The following PAX7 variants were observed in gnomAD, a reference collection of about 807,000 sequenced individuals.
PAX7 encodes paired box protein Pax-7.
Under a neutral mutation model 50.7 loss-of-function variants are expected in PAX7, and 18 were observed. The observed-to-expected ratio is 0.36, with a 90% CI of 0.25 to 0.53. The LOEUF is 0.53. Ranked by LOEUF, PAX7 falls within the 20% of genes least tolerant of loss-of-function variation. PAX7 has a pLI of 0.93. For synonymous variants in PAX7, 310 were observed against 290.4 expected (o/e 1.07, Z -0.69); for missense variants, 644 against 702.9 (o/e 0.92, Z 0.95).
At chr1:18,633,207 C>A (rs1246348152) in intron 1 of PAX7, among the ~76,000 whole-genome samples, 1 of 152,160 alleles carries the variant, frequency 6.6e-6, no homozygotes, top group Non-Finnish European at 1.5e-5. Flanking sequence ...AGCGGAGCCT[C>A]TTCTCGCCTC....
At position 18,744,831 on chromosome 1, in the gene PAX7, G is replaced by A; in HGVS notation, c.1420G>A (p.Ala474Thr). The change falls in exon 9 of 9, where the codon GCC becomes ACC. Residue 474 changes from alanine (A) to threonine (T), a missense_variant. By Grantham distance (58) the Ala-to-Thr change is moderately conservative. Transcript: ENST00000420770. ...QYGQTAVDYL[A>T]KNVSLSTQRR... ...TTTTCCAGCTGCTGTTGATTATCTG[G>A]CCAAAAATGTGAGCCTCTCCACCCA... is the stretch of plus-strand genomic sequence containing the variant. 1.3e-6 allele frequency: 2 copies of A among 1,554,074 alleles called. No individual in the cohort carries two copies. Among genetic ancestry groups the A allele is most frequent in the Non-Finnish European group, 1.7e-6 (2 of 1,148,134 alleles).
chr1:18,739,825 G>A (rs1209790268), intron 8 of PAX7, among the ~76,000 whole-genome samples: 1 of 152,222 alleles, frequency 6.6e-6, no homozygotes, highest in Non-Finnish European at 1.5e-5. Flanking sequence ...GTGGGGGCAG[G>A]GGCCCAGGGA....
chr1:18,727,371 TACACA>T (rs1236136450), intron 7 of PAX7, among the ~76,000 whole-genome samples: 2,493 of 133,938 alleles, frequency 0.019, 24 homozygotes, highest in Middle Eastern at 0.026. Context: ...CTCTCTCTCA[TACACA>T]CACACACACA....
intron 4 of PAX7, among the ~76,000 whole-genome samples, chr1:18,667,036 T>C (rs2100222682): frequency 6.6e-6 from 1 of 152,238 alleles, no homozygotes; most frequent in Non-Finnish European, 1.5e-5. Flanking sequence ...CAGCTGGTTC[T>C]AGAGCTAAGG....
At chr1:18,738,329 C>T (rs954515347) in intron 8 of PAX7, among the ~76,000 whole-genome samples, 13 of 152,288 alleles carry the variant, frequency 8.5e-5, no homozygotes, top group African/African-American at 2.4e-4. Context: ...CCAGCGGCAG[C>T]GGCAGCCCCG....
chr1:18,705,918 G>A (rs953314472), intron 7 of PAX7, among the ~76,000 whole-genome samples: 12 of 152,216 alleles, frequency 7.9e-5, no homozygotes, highest in Non-Finnish European at 1.8e-4. Context: ...CAGATGGAGG[G>A]TCTGACCGGG....
intron 4 of PAX7, among the ~76,000 whole-genome samples, chr1:18,689,832 C>T (rs1318016318): frequency 6.6e-6 from 1 of 152,262 alleles, no homozygotes; most frequent in African/African-American, 2.4e-5. Context: ...CCTTCACCTC[C>T]ACTTAACATG....
chr1:18,739,466 T>C (rs943592502), intron 8 of PAX7, among the ~76,000 whole-genome samples: 4 of 152,226 alleles, frequency 2.6e-5, no homozygotes, highest in African/African-American at 9.7e-5. Flanking sequence ...GGAACGACCA[T>C]TTATTGAGCA....
At chr1:18,705,793 C>T (rs947451538) in intron 7 of PAX7, among the ~76,000 whole-genome samples, 1 of 152,190 alleles carries the variant, frequency 6.6e-6, no homozygotes, top group African/African-American at 2.4e-5. Context: ...GCCCTCCACC[C>T]AGCCCAGAAT....
rs2089078117 is a variant in PAX7 at position 18,691,966 on chromosome 1, C to T, written c.786+13C>T. ...GGCGCGTGTGCAGGTGAGGAGGCAC[C>T]TGCGGTGTCGGTGCTGCAGATATAC... On this transcript the variant is annotated intron_variant, in intron 5 of 8. Transcript: ENST00000420770. The T allele has an allele frequency of 6.2e-7, 1 of 1,609,530 alleles. No homozygotes were observed. Among genetic ancestry groups the T allele is most frequent in the Non-Finnish European group, 8.5e-7 (1 of 1,178,026 alleles).
intron 7 of PAX7, among the ~76,000 whole-genome samples, chr1:18,704,094 G>A (rs1252792625): frequency 6.6e-6 from 1 of 152,204 alleles, no homozygotes; most frequent in Non-Finnish European, 1.5e-5. Context: ...TCAGTGCCAA[G>A]TAAATATTAG....
Position 18,700,825 on chromosome 1 carries a change from G to A in PAX7, c.952+7G>A, listed in dbSNP as rs774572111. On this transcript the variant is annotated splice_region_variant and intron_variant, in intron 6 of 8. Coordinates refer to ENST00000420770, the MANE Select transcript of PAX7 (RefSeq NM_001135254.2). The surrounding 1 kb of genome is among the most constrained non-coding windows in gnomAD (Gnocchi z 4.8). ...ACCACCACCATCTCCCAAGGTGAGT[G>A]TCTTGGCCCCGTCCTGCCATCTCAG... 1 of 1,468,954 alleles carries A rather than the reference G, an allele frequency of 6.8e-7. No individual in the cohort carries two copies. The highest frequency in any genetic ancestry group is 1.4e-5 in the South Asian group (1 of 72,512). The allele number at this position is 1,468,954 out of a possible 1,614,324, so 91.0% of individuals were successfully genotyped here.
intron 4 of PAX7, among the ~76,000 whole-genome samples, chr1:18,662,477 A>T (rs897831683): frequency 4.6e-5 from 7 of 152,182 alleles, no homozygotes; most frequent in African/African-American, 9.7e-5. Context: ...GAGCCTGTAG[A>T]TTCACACTTC....
intron 4 of PAX7, among the ~76,000 whole-genome samples, chr1:18,643,753 T>TTC (rs2088295076): frequency 6.6e-6 from 1 of 152,196 alleles, no homozygotes; most frequent in African/African-American, 2.4e-5. Context: ...ACAAAGGCAG[T>TTC]TCATCATATT....
intron 7 of PAX7, among the ~76,000 whole-genome samples, chr1:18,711,035 G>T (rs1258943797): frequency 6.6e-6 from 1 of 152,244 alleles, no homozygotes; most frequent in South Asian, 2.1e-4. Flanking sequence ...CCTGCTGCCC[G>T]CTTCCTCCCT....
At chr1:18,635,622 CT>C (rs963891016) in intron 3 of PAX7, among the ~76,000 whole-genome samples, 3 of 152,012 alleles carry the variant, frequency 2.0e-5, no homozygotes, top group African/African-American at 7.2e-5. Context: ...GAGAGCCCCC[CT>C]GGAGGCTTTT....
At position 18,744,719 on chromosome 1, in the gene PAX7, T is replaced by C. The variant is rs1445247557; in HGVS notation, c.1403-95T>C. 4.2e-6 allele frequency: 3 copies of C among 715,332 alleles called. No individual in the cohort carries two copies. In the South Asian group the frequency reaches 4.6e-5, roughly 11 times the overall value. The allele number at this position is 715,332 out of a possible 1,614,324, so 44.3% of individuals were successfully genotyped here. On this transcript the variant is annotated intron_variant, in intron 8 of 8. Coordinates refer to ENST00000420770, the MANE Select transcript of PAX7 (RefSeq NM_001135254.2). The stretch of plus-strand genomic sequence containing the variant: ...ATGGATGGATGGATGGATGGATGGA[T>C]GGATGGATGGATGGATGGATGGGTG...
At chr1:18,684,067 C>T (rs760006867) in intron 4 of PAX7, among the ~76,000 whole-genome samples, 4 of 152,296 alleles carry the variant, frequency 2.6e-5, no homozygotes, top group South Asian at 2.1e-4. Flanking sequence ...TGGCCTGACC[C>T]GCTGCAAACT....
intron 4 of PAX7, among the ~76,000 whole-genome samples, chr1:18,642,723 G>A (rs867690273): frequency 6.6e-6 from 1 of 152,062 alleles, no homozygotes; most frequent in South Asian, 2.1e-4. Context: ...GATTGGCCCC[G>A]GCTGGGGTGG....
Sources: gnomAD v4.1 joint callset for allele counts (sites outside exome capture counted in the v4.1 genomes callset) on GRCh38, gnomAD v4.1.1 for gene constraint, Gnocchi (gnomAD v3.1) non-coding constraint, MANE v1.5 for transcripts, NCBI Gene and HGNC (gene_info 2026-07-23, HGNC 2026-07-21) for gene names.